The following DLG2 variants were observed in gnomAD, a reference collection of about 807,000 sequenced individuals.
DLG2 encodes the protein disks large homolog 2.
DLG2 carries 45 observed loss-of-function variants against 132.5 expected under a neutral mutation model. The ratio of observed to expected loss-of-function variants is 0.34; its 90% confidence interval spans 0.27 to 0.44. The LOEUF (loss-of-function observed/expected upper bound fraction) is 0.44. DLG2 is among the 20% of genes least tolerant of loss of function. The probability of loss-of-function intolerance (pLI) is 1.00; values close to 1 mark genes in which losing one functional copy is unlikely to be tolerated. For missense variants in DLG2, 1,045 were observed against 1,196.9 expected (o/e 0.87, Z 1.87); for synonymous variants, 424 against 419.6 (o/e 1.01, Z -0.13).
intron 3 of DLG2, among the ~76,000 whole-genome samples, chr11:85,465,442 C>T (rs1367225692): frequency 1.3e-5 from 2 of 152,096 alleles, no homozygotes; most frequent in Non-Finnish European, 2.9e-5. Context: ...TCTCCTAATG[C>T]TATCCCTCCC....
chr11:85,089,306 C>T lies in DLG2; in HGVS notation c.357+22355G>A, dbSNP rs577885147. Among the ~76,000 whole-genome samples, 643 of 152,066 alleles carry T rather than the reference C, an allele frequency of 4.2e-3. 4 individuals carry two copies. Among genetic ancestry groups the T allele is most frequent in the African/African-American group, 0.014 (581 of 41,470 alleles). On this transcript the variant is annotated intron_variant, in intron 6 of 27. Coordinates refer to ENST00000376104, the MANE Select transcript of DLG2 (RefSeq NM_001142699.3). ...CCTTCTCTCCCCAATTCTAGTAGAC[C>T]CTAGTATTTATTGTCCCCAGTTTTA...
At chr11:84,563,072 T>C (rs755057792) in intron 6 of DLG2, among the ~76,000 whole-genome samples, 2 of 152,214 alleles carry the variant, frequency 1.3e-5, no homozygotes, top group Non-Finnish European at 2.9e-5. Flanking sequence ...CGTAAGTTTA[T>C]CTTGAGTAAC....
intron 7 of DLG2, among the ~76,000 whole-genome samples, chr11:84,508,414 T>TC (rs2099248060): frequency 6.6e-6 from 1 of 151,256 alleles, no homozygotes; most frequent in Admixed American, 6.6e-5. Context: ...TTTTTTTTTT[T>TC]TCTCTTTTTT....
At chr11:85,123,914 A>G (rs1273847989) in intron 5 of DLG2, among the ~76,000 whole-genome samples, 1 of 152,240 alleles carries the variant, frequency 6.6e-6, no homozygotes, top group African/African-American at 2.4e-5. Context: ...TTCTCTCACC[A>G]GTAAGAGGCT....
At chr11:84,729,641 C>A (rs1050109292) in intron 6 of DLG2, among the ~76,000 whole-genome samples, 11 of 151,976 alleles carry the variant, frequency 7.2e-5, no homozygotes, top group Admixed American at 2.6e-4. Context: ...CTACTTTGAG[C>A]GAGTCACACG....
At chr11:83,492,693 G>A (rs1591780741) in intron 21 of DLG2, among the ~76,000 whole-genome samples, 1 of 151,944 alleles carries the variant, frequency 6.6e-6, no homozygotes. Flanking sequence ...TTGCAGGGAC[G>A]CCTCTCTTTC....
chr11:84,650,299 T>TCACCA (rs1266590567), intron 6 of DLG2, among the ~76,000 whole-genome samples: 2 of 152,214 alleles, frequency 1.3e-5, no homozygotes, highest in African/African-American at 4.8e-5. Flanking sequence ...CATGTGGAAG[T>TCACCA]CACCAATGAC....
chr11:84,389,777 A>G (rs2098785578), intron 7 of DLG2, among the ~76,000 whole-genome samples: 1 of 152,182 alleles, frequency 6.6e-6, no homozygotes, highest in Non-Finnish European at 1.5e-5. Context: ...TCTATTTCAT[A>G]ATTCCTACAG....
chr11:85,511,449 C>G (rs888909291), intron 3 of DLG2, among the ~76,000 whole-genome samples: 2 of 151,966 alleles, frequency 1.3e-5, no homozygotes, highest in Non-Finnish European at 1.5e-5. Flanking sequence ...TTATTAATTT[C>G]AAGAATTCAA....
chr11:85,474,958 T>C (rs2093095731), intron 3 of DLG2, among the ~76,000 whole-genome samples: 1 of 150,648 alleles, frequency 6.6e-6, no homozygotes, highest in Non-Finnish European at 1.5e-5. Flanking sequence ...GGCAGAAAAA[T>C]ATAAAATCAA....
intron 6 of DLG2, among the ~76,000 whole-genome samples, chr11:84,669,996 A>C (rs911138415): frequency 3.3e-5 from 5 of 152,196 alleles, no homozygotes; most frequent in African/African-American, 1.2e-4. Context: ...CTGTTGTAGA[A>C]AGAACCAGAA....
chr11:85,486,279 T>C (rs1003674114), intron 3 of DLG2, among the ~76,000 whole-genome samples: 6 of 149,650 alleles, frequency 4.0e-5, no homozygotes, highest in African/African-American at 1.5e-4. Flanking sequence ...GCAAGAGCAG[T>C]ATGCATTCCC....
chr11:83,990,802 G>T lies in DLG2; in HGVS notation c.920-10160C>A, dbSNP rs561880804. Among the ~76,000 whole-genome samples the T allele has an allele frequency of 1.1e-4, 16 of 152,166 alleles. No homozygotes were observed. The East Asian group carries it at 3.1e-3, about 29-fold the overall frequency. On this transcript the variant is annotated intron_variant, in intron 11 of 27. Transcript: ENST00000376104. ...ACTGGTCCTGTCAGAGTTTATTTAG[G>T]ATCTGCTAGGTAAGGTGTTTACTGC...
At chr11:85,068,986 G>A (rs1327748612) in intron 6 of DLG2, among the ~76,000 whole-genome samples, 3 of 152,056 alleles carry the variant, frequency 2.0e-5, no homozygotes, top group African/African-American at 7.2e-5. Flanking sequence ...AGAGCCCTCA[G>A]AAATAATGCT....
intron 18 of DLG2, among the ~76,000 whole-genome samples, chr11:83,731,643 G>T (rs2091030287): frequency 6.6e-6 from 1 of 152,098 alleles, no homozygotes. Context: ...ATTCCTTTGG[G>T]TATATACTCA....
intron 6 of DLG2, among the ~76,000 whole-genome samples, chr11:85,068,009 A>G (rs1368709691): frequency 6.6e-6 from 1 of 152,162 alleles, no homozygotes; most frequent in East Asian, 1.9e-4. Context: ...ATGCAAATCA[A>G]TAAACGTAAC....
At chr11:85,002,209 C>T (rs767625129) in intron 6 of DLG2, among the ~76,000 whole-genome samples, 4 of 152,056 alleles carry the variant, frequency 2.6e-5, no homozygotes, top group African/African-American at 4.8e-5. Context: ...TTTTGAGAAG[C>T]TATAATTTCC....
At chr11:85,151,587 A>C (rs2077256545) in intron 5 of DLG2, among the ~76,000 whole-genome samples, 1 of 152,168 alleles carries the variant, frequency 6.6e-6, no homozygotes, top group East Asian at 1.9e-4. Flanking sequence ...GTAAGGGCCC[A>C]ACTTTATCTT....
At chr11:83,906,314 CA>C (rs1565586702) in intron 15 of DLG2, among the ~76,000 whole-genome samples, 6,419 of 132,064 alleles carry the variant, frequency 0.049, 365 homozygotes, top group Middle Eastern at 0.093. Context: ...CACACACACA[CA>C]CACACCTCGG....
Sources: gnomAD v4.1 joint callset for allele counts (sites outside exome capture counted in the v4.1 genomes callset) on GRCh38, gnomAD v4.1.1 for gene constraint, MANE v1.5 for transcripts, NCBI Gene and HGNC (gene_info 2026-07-23, HGNC 2026-07-21) for gene names.